Variants in PSMD1 observed in about 807,000 individuals in gnomAD.
The protein encoded by PSMD1 is 26S proteasome non-ATPase regulatory subunit 1.
Under a neutral mutation model 119.0 loss-of-function variants are expected in PSMD1, and 18 were observed. The observed-to-expected ratio is 0.15, with a 90% CI of 0.10 to 0.22. The LOEUF (loss-of-function observed/expected upper bound fraction) is 0.22. PSMD1 is among the 10% of genes least tolerant of loss of function. The probability of loss-of-function intolerance (pLI) is 1.00; values close to 1 mark genes in which losing one functional copy is unlikely to be tolerated. For synonymous variants in PSMD1, 374 were observed against 396.6 expected, an observed-to-expected ratio of 0.94 and a Z score of 0.68; for missense variants, 702 against 1,158.5, an observed-to-expected ratio of 0.61 and a Z score of 5.72.
chr2:231,073,548 G>C (rs1246013932), intron 7 of PSMD1, among the ~76,000 whole-genome samples: 3 of 152,012 alleles, frequency 2.0e-5, no homozygotes, highest in Non-Finnish European at 4.4e-5. Context: ...TGGGTGTTCT[G>C]ATTGGGATTG....
intron 1 of PSMD1, among the ~76,000 whole-genome samples, chr2:231,059,917 TGA>T (rs1474824574): frequency 6.6e-6 from 1 of 152,236 alleles, no homozygotes; most frequent in African/African-American, 2.4e-5. Context: ...GGCCAGAGGC[TGA>T]GTTTCCAAGC....
Position 231,161,350 on chromosome 2 carries a change from T to C in PSMD1, c.2229T>C (p.Asn743=), listed in dbSNP as rs1218846986. Residue 743 remains asparagine, a synonymous_variant, in exon 20 of 25, where the codon AAT becomes AAC. Coordinates refer to ENST00000308696, the MANE Select transcript of PSMD1 (RefSeq NM_002807.4). ...AQGILDAGGH[N]VTISLQSRTG... is the part of the protein sequence containing the mutation. ...TCTCTTTTTCTACAGGTGGTCATAA[T>C]GTCACAATCTCCTTGCAGTCCAGGA... 1.2e-6 allele frequency: 2 copies of C among 1,608,334 alleles called. No homozygotes were observed. Among genetic ancestry groups the C allele is most frequent in the East Asian group, 2.2e-5 (1 of 44,858 alleles).
At chr2:231,140,166 A>G (rs935610367) in intron 17 of PSMD1, among the ~76,000 whole-genome samples, 2 of 152,152 alleles carry the variant, frequency 1.3e-5, no homozygotes, top group Non-Finnish European at 2.9e-5. Context: ...GAATCTAAAA[A>G]TTTTAGATTC....
intron 16 of PSMD1, among the ~76,000 whole-genome samples, chr2:231,130,886 C>T (rs991565687): frequency 3.9e-5 from 6 of 152,010 alleles, no homozygotes; most frequent in Non-Finnish European, 2.9e-5. Context: ...GGAATTATTT[C>T]GTGATGTTAT....
At chr2:231,060,376 T>G (rs1443207123) in intron 1 of PSMD1, 1 of 152,254 alleles carries the variant, frequency 6.6e-6, no homozygotes, top group Non-Finnish European at 1.5e-5. Context: ...CTAACTAAGT[T>G]GCCTTGACAC....
intron 7 of PSMD1, among the ~76,000 whole-genome samples, chr2:231,074,034 C>G (rs1292294862): frequency 6.6e-6 from 1 of 151,828 alleles, no homozygotes; most frequent in Non-Finnish European, 1.5e-5. Context: ...GGCTAGAATT[C>G]CCAATACTTA....
chr2:231,162,522 C>A (rs907038721), intron 20 of PSMD1, among the ~76,000 whole-genome samples: 1 of 152,194 alleles, frequency 6.6e-6, no homozygotes, highest in Admixed American at 6.5e-5. Context: ...ATTAAACATC[C>A]TGTATAACCT....
intron 16 of PSMD1, among the ~76,000 whole-genome samples, chr2:231,088,253 A>G (rs1284519303): frequency 6.6e-6 from 1 of 152,178 alleles, no homozygotes; most frequent in African/African-American, 2.4e-5. Flanking sequence ...GGTAGTATTA[A>G]TAGATGTAAT....
intron 16 of PSMD1, chr2:231,109,310 A>G: frequency 6.2e-7 from 1 of 1,614,148 alleles, no homozygotes; most frequent in East Asian, 2.2e-5. Flanking sequence ...GCCAAAGAGC[A>G]TGAAATCGCC....
At chr2:231,109,125 T>C (rs757679891) in intron 16 of PSMD1, 1 of 1,614,092 alleles carries the variant, frequency 6.2e-7, no homozygotes, top group Non-Finnish European at 8.5e-7. Context: ...ATTGCCACCT[T>C]TTCCGGTGAC....
chr2:231,135,587 A>G (rs927760716), intron 16 of PSMD1, among the ~76,000 whole-genome samples: 2 of 152,294 alleles, frequency 1.3e-5, no homozygotes, highest in African/African-American at 4.8e-5. Flanking sequence ...TGTTATTACT[A>G]TATTTTCAGT....
At chr2:231,078,911 C>T (rs1292438581) in intron 10 of PSMD1, among the ~76,000 whole-genome samples, 164 bp downstream of exon 10, 1 of 149,382 alleles carries the variant, frequency 6.7e-6, no homozygotes, top group African/African-American at 2.5e-5. Flanking sequence ...TCTCCTGCCT[C>T]AGCCTCCCAA....
chr2:231,090,235 C>T (rs978877881), intron 16 of PSMD1, among the ~76,000 whole-genome samples: 4 of 152,214 alleles, frequency 2.6e-5, no homozygotes, highest in Admixed American at 1.3e-4. Flanking sequence ...TTATTTAAGT[C>T]ATTTCTTAAG....
At chr2:231,119,625 C>T (rs1315239547) in intron 16 of PSMD1, among the ~76,000 whole-genome samples, 3 of 152,090 alleles carry the variant, frequency 2.0e-5, no homozygotes, top group African/African-American at 7.2e-5. Flanking sequence ...AATCCCAACA[C>T]TTTGGGAGGC....
chr2:231,056,920 A>C lies in PSMD1; in HGVS notation c.-106A>C, dbSNP rs1693605018. On this transcript the variant is annotated 5_prime_UTR_variant, in exon 1 of 25. Coordinates refer to ENST00000308696, the MANE Select transcript of PSMD1 (RefSeq NM_002807.4). Reference sequence around the variant, plus strand: ...GAGGAGGCGACTGACTGAGCAGCGCACCCGGGGAGCAAGGAGGCGCGGTGA... The same window carrying C: ...GAGGAGGCGACTGACTGAGCAGCGCCCCCGGGGAGCAAGGAGGCGCGGTGA... 20 of 1,403,134 alleles carry C rather than the reference A, an allele frequency of 1.4e-5. No individual in the cohort carries two copies. The highest frequency in any genetic ancestry group is 3.0e-5 in the African/African-American group (2 of 67,786). The allele number at this position is 1,403,134 out of a possible 1,614,324, so 86.9% of individuals were successfully genotyped here. A position where few individuals can be genotyped will look rare whatever the true frequency, so the allele number is the denominator to read the frequency against.
rs75044156 is a variant in PSMD1, at chr2:231,067,092, A to T, written c.491A>T (p.Glu164Val). 5 of 1,606,148 alleles carry T rather than the reference A, an allele frequency of 3.1e-6. No homozygotes were observed. The change falls in exon 5 of 25, where the codon GAA becomes GTA. Residue 164 changes from glutamate to valine, a missense_variant. By Grantham distance (121) the Glu-to-Val change is moderately radical. Coordinates refer to ENST00000308696, the MANE Select transcript of PSMD1 (RefSeq NM_002807.4). Reference sequence around the variant, plus strand: ...GAGACACGAAGACTGGACGTCTTTGAAAAGACCATACTGGAGTCGGTAGGT... The same window carrying T: ...GAGACACGAAGACTGGACGTCTTTGTAAAGACCATACTGGAGTCGGTAGGT... ...ALETRRLDVF[E>V]KTILESNDVP...
chr2:231,078,785 C>CTTT, intron 10 of PSMD1, 38 bp downstream of exon 10: 5 of 516,568 alleles, frequency 9.7e-6, no homozygotes, highest in South Asian at 3.6e-5. Flanking sequence ...GGTTCAAAAT[C>CTTT]TTTTTCTTTT....
intron 16 of PSMD1, among the ~76,000 whole-genome samples, chr2:231,132,241 A>C (rs3754981): frequency 0.49 from 74,788 of 152,052 alleles, 21,892 homozygotes; most frequent in African/African-American, 0.81. Flanking sequence ...TATATGTTAT[A>C]TTTTATTTAC....
chr2:231,064,729 G>A (rs556312984), intron 4 of PSMD1, among the ~76,000 whole-genome samples: 54 of 152,248 alleles, frequency 3.5e-4, no homozygotes, highest in Admixed American at 9.1e-4. Flanking sequence ...GCAATGGCAC[G>A]ATCTTGGCTC....
Sources: allele counts gnomAD v4.1 joint callset (sites outside exome capture counted in the v4.1 genomes callset), GRCh38; gene constraint gnomAD v4.1.1; transcripts MANE v1.5; gene names NCBI Gene and HGNC (gene_info 2026-07-23, HGNC 2026-07-21).